DDC: variants seen among roughly 807,000 people sequenced by gnomAD.
DDC encodes the protein dopa decarboxylase.
DDC carries 43 observed loss-of-function variants against 60.0 expected under a neutral mutation model. The ratio of observed to expected loss-of-function variants is 0.72; its 90% CI spans 0.56 to 0.92. The LOEUF (loss-of-function observed/expected upper bound fraction) is 0.92, where lower values mean the gene tolerates loss of function less well. Ranked by LOEUF, DDC falls within the 40% of genes least tolerant of loss-of-function variation. DDC has a pLI of 0.00. For missense variants in DDC, 573 were observed against 620.2 expected, an observed-to-expected ratio of 0.92 and a Z score of 0.81; for synonymous variants, 232 against 234.6, an observed-to-expected ratio of 0.99 and a Z score of 0.10.
chr7:50,482,370 C>A (rs1206339501), intron 9 of DDC, among the ~76,000 whole-genome samples: 1 of 152,140 alleles, frequency 6.6e-6, no homozygotes, highest in Non-Finnish European at 1.5e-5. Context: ...GTTCATTTTT[C>A]TGTTAGATTG....
At chr7:50,525,795 A>T (rs746946593) in intron 6 of DDC, among the ~76,000 whole-genome samples, 2 of 152,046 alleles carry the variant, frequency 1.3e-5, no homozygotes, top group Non-Finnish European at 2.9e-5. Flanking sequence ...ATAAGTTAAA[A>T]TTTTTTAATG....
At chr7:50,494,487 G>A (rs2043079136) in intron 9 of DDC, among the ~76,000 whole-genome samples, 1 of 151,380 alleles carries the variant, frequency 6.6e-6, no homozygotes, top group African/African-American at 2.4e-5. Flanking sequence ...CTGGGCGACA[G>A]AATGAGACAC....
chr7:50,489,976 A>G (rs896527627), intron 9 of DDC, among the ~76,000 whole-genome samples: 1 of 152,192 alleles, frequency 6.6e-6, no homozygotes, highest in African/African-American at 2.4e-5. Context: ...TCTTTATTAG[A>G]GTTTATTGTT....
chr7:50,496,546 CCAAGAGTGGCAGAGGAGGA>C, intron 8 of DDC, among the ~76,000 whole-genome samples: 1 of 152,210 alleles, frequency 6.6e-6, no homozygotes, highest in East Asian at 1.9e-4. Flanking sequence ...GTTTAAACCA[CCAAGAGTGGCAGAGGAGGA>C]CACTCTGCAT....
Position 50,529,309 on chromosome 7 carries a change from G to T in DDC, c.469C>A (p.Leu157Met). The part of the protein sequence containing the change: ...SASEATLVAL[L>M]AARTKVIHRL... ...TGGATCACTTTGGTCCGAGCGGCCA[G>T]CAGGGCCACCAGGGTGGCTTCACTG... The change falls in exon 5 of 15, where the codon CTG (leucine) becomes ATG (methionine). Residue 157 changes from leucine to methionine, a missense_variant. Transcript: ENST00000444124. The T allele has an allele frequency of 6.2e-7, 1 of 1,614,234 alleles. No individual in the cohort carries two copies.
intron 14 of DDC, among the ~76,000 whole-genome samples, chr7:50,459,075 G>A (rs990388567): frequency 6.6e-6 from 1 of 152,182 alleles, no homozygotes; most frequent in Non-Finnish European, 1.5e-5. Context: ...TCCTGCCTCA[G>A]CCTGCCGAGT....
chr7:50,539,001 T>G lies in DDC; in HGVS notation c.315+914A>C, dbSNP rs527461007. The G allele has an allele frequency of 3.3e-5, 5 of 152,412 alleles. No individual in the cohort carries two copies. In the South Asian group the frequency reaches 1.0e-3, roughly 32 times the overall value. 9.4% of individuals were successfully genotyped at this position (152,412 alleles called of 1,614,324 possible). On this transcript the variant is annotated intron_variant, in intron 3 of 14. Coordinates refer to ENST00000444124, the MANE Select transcript of DDC (RefSeq NM_001082971.2). ...TGCCTGCTCACCCGGCAACTTCCAG[T>G]GCCCCAGCCCAGAGAAGAGCAAGTG...
chr7:50,535,735 T>C (rs910247234), intron 4 of DDC, among the ~76,000 whole-genome samples: 1 of 152,236 alleles, frequency 6.6e-6, no homozygotes, highest in Admixed American at 6.5e-5. Context: ...GGCACATTAA[T>C]GCACCCTCAT....
At chr7:50,491,710 A>C (rs1293524480) in intron 9 of DDC, among the ~76,000 whole-genome samples, 1 of 152,216 alleles carries the variant, frequency 6.6e-6, no homozygotes, top group African/African-American at 2.4e-5. Context: ...TATCTTATAT[A>C]AAGAGCTGAT....
intron 1 of DDC, among the ~76,000 whole-genome samples, chr7:50,556,418 T>C (rs1412880987): frequency 6.6e-6 from 1 of 152,152 alleles, no homozygotes; most frequent in African/African-American, 2.4e-5. Flanking sequence ...GGGCTCTGAC[T>C]TCATGACCTA....
chr7:50,490,443 G>C (rs1406221169), intron 9 of DDC, among the ~76,000 whole-genome samples: 1 of 152,208 alleles, frequency 6.6e-6, no homozygotes, highest in African/African-American at 2.4e-5. Context: ...GGCTGAGGTG[G>C]GTGGATCATG....
In DDC at chr7:50,474,849, T is replaced by C. The variant is rs139709032; in HGVS notation, c.1041+1775A>G. Reference sequence around the variant, plus strand: ...GGGAAAGAGCAAAATTAAAAAATAATAAAATAAAAGGCATGAAGTGTTCGT... The same window carrying C: ...GGGAAAGAGCAAAATTAAAAAATAACAAAATAAAAGGCATGAAGTGTTCGT... On this transcript the variant is annotated intron_variant, in intron 11 of 14. Coordinates refer to ENST00000444124, the MANE Select transcript of DDC (RefSeq NM_001082971.2). 8.9e-3 allele frequency among the ~76,000 whole-genome samples: 1,362 copies of C among 152,226 alleles called. 7 individuals carry two copies. Among genetic ancestry groups the C allele is most frequent in the Non-Finnish European group, 0.014 (940 of 68,016 alleles).
chr7:50,559,052 G>T (rs115585008), intron 1 of DDC, among the ~76,000 whole-genome samples: 2 of 152,210 alleles, frequency 1.3e-5, no homozygotes, highest in Non-Finnish European at 2.9e-5. Flanking sequence ...CAAAGCAGAA[G>T]AAATGTTGAA....
intron 9 of DDC, among the ~76,000 whole-genome samples, chr7:50,487,434 C>T (rs1423599337): frequency 2.6e-5 from 4 of 151,968 alleles, no homozygotes; most frequent in African/African-American, 9.7e-5. Context: ...GTGTTTTTTG[C>T]TTAAGAAAAT....
rs116345620 is a variant in DDC at position 50,472,348 on chromosome 7, T to C, written c.1042-2177A>G. 3.5e-3 allele frequency among the ~76,000 whole-genome samples: 529 copies of C among 152,338 alleles called. 4 individuals are homozygous for C. Among genetic ancestry groups the C allele is most frequent in the African/African-American group, 0.012 (487 of 41,566 alleles). On this transcript the variant is annotated intron_variant, in intron 11 of 14. Coordinates refer to ENST00000444124, the MANE Select transcript of DDC (RefSeq NM_001082971.2). ...CCATTTGACCCTCATTCATGGGTCA[T>C]CTGAAAGGATTCTTTATGTAGAAGT...
At position 50,506,313 on chromosome 7, in the gene DDC, T is replaced by C. The variant is rs2043393916; in HGVS notation, c.715-2254A>G. Among the ~76,000 whole-genome samples the C allele has an allele frequency of 2.0e-5, 3 of 152,092 alleles. No homozygotes were observed. In the South Asian group the frequency reaches 6.2e-4, roughly 32 times the overall value. ...CATTTCAAAGGTGAATTTGCTTTTT[T>C]TTTACAAATTTGTTTGAGTTCCACA... is the stretch of plus-strand genomic sequence containing the variant. On this transcript the variant is annotated intron_variant, in intron 6 of 14. Transcript: ENST00000444124.
At chr7:50,537,333 C>T (rs558009821) in intron 4 of DDC, among the ~76,000 whole-genome samples, 8 of 152,348 alleles carry the variant, frequency 5.3e-5, no homozygotes, top group South Asian at 4.1e-4. Context: ...AGGAATATCA[C>T]GGGCTCTGAG....
At position 50,537,836 on chromosome 7, in the gene DDC, T is replaced by C. The variant is rs200011522; in HGVS notation, c.435+24A>G. 7 of 1,614,062 alleles carry C rather than the reference T, an allele frequency of 4.3e-6. No individual in the cohort carries two copies. In the African/African-American group the frequency reaches 9.3e-5, roughly 22 times the overall value. ...GTGCAGAGCCCATGCATCCCAAAAG[T>C]GGCCCTCACAGCTCCCACCTTACCT... On this transcript the variant is annotated intron_variant, in intron 4 of 14. Transcript: ENST00000444124.
chr7:50,537,786 T>C (rs553376995), intron 4 of DDC, 74 bp downstream of exon 4: 1 of 1,594,962 alleles, frequency 6.3e-7, no homozygotes, highest in East Asian at 2.2e-5. Flanking sequence ...TGAGTGCCTC[T>C]TTCCCCACCT....
Sources: gnomAD v4.1 joint callset for allele counts (sites outside exome capture counted in the v4.1 genomes callset) on GRCh38, gnomAD v4.1.1 for gene constraint, MANE v1.5 for transcripts, NCBI Gene and HGNC (gene_info 2026-07-23, HGNC 2026-07-21) for gene names.